Variants in DENND2B observed in about 807,000 individuals in gnomAD.
The protein encoded by DENND2B is DENN domain-containing protein 2B.
In DENND2B, 32 loss-of-function variants were observed where a neutral mutation model predicts 116.0. That is an observed-to-expected ratio of 0.28 (90% CI 0.21 to 0.37). The LOEUF is 0.37. DENND2B is among the 10% of genes least tolerant of loss of function. The probability of loss-of-function intolerance (pLI) is 1.00; values close to 1 mark genes in which losing one functional copy is unlikely to be tolerated. For missense variants in DENND2B, 1,276 were observed against 1,477.7 expected, an observed-to-expected ratio of 0.86 and a Z score of 2.24; for synonymous variants, 588 against 583.9, an observed-to-expected ratio of 1.01 and a Z score of -0.10.
At chr11:8,723,620 G>A (rs147397377) in intron 4 of DENND2B, among the ~76,000 whole-genome samples, 43 of 152,304 alleles carry the variant, frequency 2.8e-4, no homozygotes, top group African/African-American at 9.9e-4. Context: ...CTCTTGGGTG[G>A]CTGAGTAGAA....
chr11:8,708,269 T>C lies in DENND2B; in HGVS notation c.2353-415A>G, dbSNP rs577202036. On this transcript the variant is annotated intron_variant, in intron 11 of 19. Transcript: ENST00000313726. ...AAGCCATTGTAGCTTTTTAGCCCCA[T>C]AGGGCACATTCGGCATACCATTCCT... The C allele has an allele frequency of 2.6e-4, 252 of 985,488 alleles. 1 individual carries two copies. In the African/African-American group the frequency reaches 4.0e-3, roughly 16 times the overall value. The allele number at this position is 985,488 out of a possible 1,614,324, so 61.0% of individuals were successfully genotyped here. A position where few individuals can be genotyped will look rare whatever the true frequency, so the allele number is the denominator to read the frequency against.
chr11:8,730,574 T>G lies in DENND2B; in HGVS notation c.716A>C (p.Glu239Ala). The change falls in exon 3 of 20, where the codon GAG becomes GCG. Residue 239 changes from glutamate (E) to alanine (A), a missense_variant. Coordinates refer to ENST00000313726, the MANE Select transcript of DENND2B (RefSeq NM_213618.2). This position sits in a 1 kb window ranked among gnomAD's most constrained non-coding sequence, Gnocchi z 4.1. Reference sequence around the variant, plus strand: ...GAGCGCCTCTCCCTCCTCCTCAGTCTCTGGGTAGGAACACTCGGAGAAGGT... The same window carrying G: ...GAGCGCCTCTCCCTCCTCCTCAGTCGCTGGGTAGGAACACTCGGAGAAGGT... ...SRTFSECSYP[E>A]TEEEGEALPV... The G allele has an allele frequency of 6.2e-7, 1 of 1,613,148 alleles. No individual in the cohort carries two copies. The highest frequency in any genetic ancestry group is 8.5e-7 in the Non-Finnish European group (1 of 1,179,994).
At chr11:8,704,765 T>C (rs974377481) in intron 13 of DENND2B, among the ~76,000 whole-genome samples, 1 of 152,198 alleles carries the variant, frequency 6.6e-6, no homozygotes, top group Non-Finnish European at 1.5e-5. Flanking sequence ...TGGCGCAATC[T>C]TGACTCACTA....
chr11:8,759,085 G>A (rs78392113), intron 1 of DENND2B, among the ~76,000 whole-genome samples: 10,103 of 152,124 alleles, frequency 0.066, 460 homozygotes, highest in East Asian at 0.17. Context: ...CCTCTGACCC[G>A]ATCCCATCAC....
intron 1 of DENND2B, among the ~76,000 whole-genome samples, chr11:8,778,584 C>T (rs377411380): frequency 2.6e-4 from 40 of 152,360 alleles, no homozygotes; most frequent in African/African-American, 9.4e-4. Flanking sequence ...TGCTCCCCGC[C>T]TGCTTCCAGC....
intron 2 of DENND2B, among the ~76,000 whole-genome samples, chr11:8,735,923 T>C (rs1367148902): frequency 6.6e-6 from 1 of 152,212 alleles, no homozygotes; most frequent in Non-Finnish European, 1.5e-5. Context: ...CCTCTCTGTC[T>C]AGTTGTTTCC....
chr11:8,734,255 C>T (rs962606932), intron 2 of DENND2B, among the ~76,000 whole-genome samples: 1 of 152,124 alleles, frequency 6.6e-6, no homozygotes, highest in African/African-American at 2.4e-5. Flanking sequence ...TTCCATTTTA[C>T]ATCGCAGGGT....
intron 4 of DENND2B, among the ~76,000 whole-genome samples, chr11:8,818,688 C>A (rs1438683601): frequency 6.6e-6 from 1 of 152,192 alleles, no homozygotes; most frequent in Non-Finnish European, 1.5e-5. Context: ...CAGCTTAATT[C>A]TCCTGCTAGC....
At chr11:8,833,089 A>T (rs2062281945) in intron 4 of DENND2B, among the ~76,000 whole-genome samples, 1 of 152,248 alleles carries the variant, frequency 6.6e-6, no homozygotes, top group Admixed American at 6.5e-5. Flanking sequence ...GGGAAGCCCA[A>T]CATCTGACAG....
chr11:8,702,627 T>C lies in DENND2B; in HGVS notation c.2665A>G (p.Ile889Val). Residue 889 changes from isoleucine (I) to valine (V), a missense_variant, in exon 14 of 20, where the codon ATC becomes GTC. By Grantham distance (29) the Ile-to-Val change is conservative. Around this residue, in one of 2 missense-constraint regions of DENND2B, gnomAD observed 420 missense variants for 631.1 expected, o/e 0.67. Coordinates refer to ENST00000313726, the MANE Select transcript of DENND2B (RefSeq NM_213618.2). The surrounding 1 kb of genome is among the most constrained non-coding windows in gnomAD (Gnocchi z 4.6). ...TCLSVRQLIR[I>V]FASLLLERRV... Reference sequence around the variant, plus strand: ...CGCTCCAGCAGCAGTGAGGCAAAGATTCGGATGAGCTGGCGCACACTGAGG... The same window carrying C: ...CGCTCCAGCAGCAGTGAGGCAAAGACTCGGATGAGCTGGCGCACACTGAGG... 2 of 1,613,824 alleles carry C rather than the reference T, an allele frequency of 1.2e-6. No homozygotes were observed. Among genetic ancestry groups the C allele is most frequent in the South Asian group, 1.1e-5 (1 of 91,078 alleles).
intron 1 of DENND2B, among the ~76,000 whole-genome samples, chr11:8,803,551 G>A (rs531775167): frequency 6.6e-6 from 1 of 152,244 alleles, no homozygotes; most frequent in Non-Finnish European, 1.5e-5. Flanking sequence ...TACCTGGCTG[G>A]GACTTTCTAC....
intron 3 of DENND2B, among the ~76,000 whole-genome samples, chr11:8,856,816 C>A (rs982227228): frequency 4.6e-5 from 7 of 151,114 alleles, no homozygotes; most frequent in Non-Finnish European, 8.8e-5. Flanking sequence ...TGCAGTGGTG[C>A]AATAATGGCT....
At chr11:8,725,366 G>A (rs1201848756) in intron 4 of DENND2B, among the ~76,000 whole-genome samples, 4 of 7,342 alleles carry the variant, frequency 5.4e-4, no homozygotes, top group Non-Finnish European at 4.4e-3. Flanking sequence ...ATAACCTTAT[G>A]AAATATTACT....
intron 1 of DENND2B, chr11:8,776,385 C>T: frequency 2.6e-6 from 1 of 388,762 alleles, no homozygotes; most frequent in South Asian, 1.9e-5. Context: ...AATCCACAAA[C>T]AATGACCAAG....
In DENND2B at chr11:8,702,830, A is replaced by G. The variant is rs2041951499; in HGVS notation, c.2572-110T>C. ...TTCCCCTTCCAACCTGCTCTTTTCC[A>G]GGTCTCTCGTCTACCCTGCTATGCA... On this transcript the variant is annotated intron_variant, in intron 13 of 19. Transcript: ENST00000313726. The surrounding 1 kb of genome is among the most constrained non-coding windows in gnomAD (Gnocchi z 4.6). 10 of 1,382,418 alleles carry G rather than the reference A, an allele frequency of 7.2e-6. No individual in the cohort carries two copies. In the South Asian group the frequency reaches 1.2e-4, roughly 16 times the overall value. 85.6% of individuals were successfully genotyped at this position (1,382,418 alleles called of 1,614,324 possible).
At chr11:8,906,438 A>T (rs2134769646) in intron 1 of DENND2B, among the ~76,000 whole-genome samples, 1 of 147,284 alleles carries the variant, frequency 6.8e-6, no homozygotes, top group African/African-American at 2.5e-5. Flanking sequence ...TGGCCTCGTG[A>T]TCTGCCCATC....
At chr11:8,708,445 T>A in intron 11 of DENND2B, 1 of 564,662 alleles carries the variant, frequency 1.8e-6, no homozygotes, top group Non-Finnish European at 2.2e-6. Flanking sequence ...GAGGGATTAT[T>A]ATCCCCTTTA....
At chr11:8,718,607 C>A (rs2045546956) in intron 4 of DENND2B, 1 of 1,344,236 alleles carries the variant, frequency 7.4e-7, no homozygotes, top group Non-Finnish European at 9.5e-7. Context: ...ACCATCAACA[C>A]TCCCCTTTTG....
At chr11:8,698,480 G>A (rs1592317127) in intron 16 of DENND2B, among the ~76,000 whole-genome samples, 1 of 152,234 alleles carries the variant, frequency 6.6e-6, no homozygotes, top group African/African-American at 2.4e-5. Flanking sequence ...TAGAGAGCCA[G>A]GAGGATTTCC....
Sources: gnomAD v4.1 joint callset for allele counts (sites outside exome capture counted in the v4.1 genomes callset) on GRCh38, gnomAD v4.1.1 for gene constraint, gnomAD v4.1.1 regional missense constraint, Gnocchi (gnomAD v3.1) non-coding constraint, MANE v1.5 for transcripts, NCBI Gene and HGNC (gene_info 2026-07-23, HGNC 2026-07-21) for gene names.